The following LSS variants were observed in gnomAD, a reference collection of about 807,000 sequenced individuals.
LSS encodes lanosterol synthase.
Under a neutral mutation model 110.3 loss-of-function variants are expected in LSS, and 90 were observed. The ratio of observed to expected loss-of-function variants is 0.82; its 90% CI spans 0.69 to 0.97. LSS has a LOEUF of 0.97. Ranked by LOEUF, LSS falls within the 50% of genes least tolerant of loss-of-function variation. The probability of loss-of-function intolerance (pLI) is 0.00; values close to 1 mark genes in which losing one functional copy is unlikely to be tolerated. For synonymous variants in LSS, 433 were observed against 400.0 expected (o/e 1.08, Z -0.98); for missense variants, 927 against 990.0 (o/e 0.94, Z 0.85).
At chr21:46,225,438 T>TACCGGGAA (rs1362786723) in intron 3 of LSS, 1 of 449,672 alleles carries the variant, frequency 2.2e-6, no homozygotes, top group Non-Finnish European at 4.4e-6. Flanking sequence ...CTACTTAGCA[T>TACCGGGAA]ACCGGGAAAG....
At position 46,192,252 on chromosome 21, in the gene LSS, A is replaced by C. The variant is rs2839139; in HGVS notation, c.1989-293T>G. 0.64 allele frequency: 325,118 copies of C among 511,632 alleles called. 104,060 individuals are homozygous for C. Among genetic ancestry groups the C allele is most frequent in the East Asian group, 0.73 (20,439 of 27,844 alleles). The allele number at this position is 511,632 out of a possible 1,614,324, so 31.7% of individuals were successfully genotyped here. A position where few individuals can be genotyped will look rare whatever the true frequency, so the allele number is the denominator to read the frequency against. On this transcript the variant is annotated intron_variant, in intron 20 of 21. Transcript: ENST00000397728. ...AAGAGGACGCCAAGCCTTGTTCCCAACTGGCCCACTGGTCCTCATGGGCCT... is the reference window on the plus strand; with the variant it reads ...AAGAGGACGCCAAGCCTTGTTCCCACCTGGCCCACTGGTCCTCATGGGCCT...
chr21:46,224,590 T>C (rs2080314770), intron 3 of LSS: 1 of 151,980 alleles, frequency 6.6e-6, no homozygotes, highest in African/African-American at 2.4e-5. Context: ...ACAGTTATAA[T>C]GTTGTTAGGA....
chr21:46,222,616 G>A lies in LSS; in HGVS notation c.428+14C>T, dbSNP rs770596850. 6.2e-7 allele frequency: 1 copy of A among 1,605,548 alleles called. No individual in the cohort carries two copies. The highest frequency in any genetic ancestry group is 8.5e-7 in the Non-Finnish European group (1 of 1,173,924). On this transcript the variant is annotated intron_variant, in intron 4 of 21. Transcript: ENST00000397728. The stretch of plus-strand genomic sequence containing the variant: ...CATGCACATGTGCAGTGACACAGGG[G>A]CAGGCACACTCACAGGCCCCAGCCA...
rs1362791681 is a variant in LSS at position 46,190,686 on chromosome 21, C to G, written c.*418G>C. ...ACAAAAGGTGCAGGAGAAGCCTGCC[C>G]AGGGCCGACCCCAGCCCAGAGCCCA... On this transcript the variant is annotated 3_prime_UTR_variant, in exon 22 of 22. Coordinates refer to ENST00000397728, the MANE Select transcript of LSS (RefSeq NM_002340.6). The surrounding 1 kb of genome is among the most constrained non-coding windows in gnomAD (Gnocchi z 4.6). 5.2e-6 allele frequency: 1 copy of G among 190,706 alleles called. No homozygotes were observed. 11.8% of individuals were successfully genotyped at this position (190,706 alleles called of 1,614,324 possible). A position where few individuals can be genotyped will look rare whatever the true frequency, so the allele number is the denominator to read the frequency against.
At chr21:46,194,238 T>A (rs544925923) in intron 20 of LSS, among the ~76,000 whole-genome samples, 1 of 152,158 alleles carries the variant, frequency 6.6e-6, no homozygotes, top group African/African-American at 2.4e-5. Flanking sequence ...TCCACTGACA[T>A]GGCTAATGGT....
intron 3 of LSS, 177 bp downstream of exon 3, chr21:46,227,375 G>A (rs1432699530): frequency 1.4e-6 from 1 of 701,964 alleles, no homozygotes; most frequent in Non-Finnish European, 2.3e-6. Flanking sequence ...GGCAAGGCTA[G>A]CTGATCCCCT....
At chr21:46,220,589 G>A (rs2080263857) in intron 5 of LSS, 1 of 155,796 alleles carries the variant, frequency 6.4e-6, no homozygotes, top group African/African-American at 2.4e-5. Flanking sequence ...GGGCAGGTGG[G>A]ACTGGCTACG....
At chr21:46,197,446 A>G (rs2079923367) in intron 17 of LSS, among the ~76,000 whole-genome samples, 1 of 152,264 alleles carries the variant, frequency 6.6e-6, no homozygotes, top group Non-Finnish European at 1.5e-5. Context: ...ATTATCAGAC[A>G]CACTCATTCT....
chr21:46,227,274 C>T lies in LSS; in HGVS notation c.319+278G>A, dbSNP rs758125391. On this transcript the variant is annotated intron_variant, in intron 3 of 21. Transcript: ENST00000397728. ...ATGTCCATCCCATCCTGTACTGAGA[C>T]TTCAAAGCCCACCTTCCTCCTCCCT... 47 of 428,956 alleles carry T rather than the reference C, an allele frequency of 1.1e-4. No homozygotes were observed. The East Asian group carries it at 1.8e-3, about 16-fold the overall frequency. The allele number at this position is 428,956 out of a possible 1,614,324, so 26.6% of individuals were successfully genotyped here.
At chr21:46,191,752 T>C in intron 21 of LSS, 129 bp downstream of exon 21, 1 of 742,862 alleles carries the variant, frequency 1.3e-6, no homozygotes, top group African/African-American at 1.7e-5. Flanking sequence ...TGGCATTCAC[T>C]GGCAGAGGTG....
chr21:46,195,793 C>A (rs776349996), intron 18 of LSS, 37 bp from the exon 19 acceptor site: 1 of 1,543,708 alleles, frequency 6.5e-7, no homozygotes. Context: ...CCCTTCCACC[C>A]TGTTCACAGC....
intron 5 of LSS, 132 bp from the exon 6 acceptor site, chr21:46,219,704 G>A (rs1351353163): frequency 1.9e-5 from 10 of 524,610 alleles, no homozygotes; most frequent in South Asian, 5.8e-5. Flanking sequence ...GCCTCATGTG[G>A]ATCTTGCGAC....
In LSS at chr21:46,216,699, T is replaced by C. The variant is rs939743928; in HGVS notation, c.648-175A>G. ...GCTCCTGAGGGGCACAGTTGAACCA[T>C]AGGTGCACCCTCTGAGGAGCTGCAC... On this transcript the variant is annotated intron_variant, in intron 6 of 21. Coordinates refer to ENST00000397728, the MANE Select transcript of LSS (RefSeq NM_002340.6). This position sits in a 1 kb window ranked among gnomAD's most constrained non-coding sequence, Gnocchi z 4.2. Among the ~76,000 whole-genome samples, 23 of 152,104 alleles carry C rather than the reference T, an allele frequency of 1.5e-4. 1 individual carries two copies. The highest frequency in any genetic ancestry group is 2.9e-4 in the Non-Finnish European group (20 of 68,018).
chr21:46,206,896 G>A (rs1479863920), intron 15 of LSS, 128 bp from the exon 16 acceptor site: 2 of 715,900 alleles, frequency 2.8e-6, no homozygotes, highest in Non-Finnish European at 4.9e-6. Flanking sequence ...AGGGGGCGGA[G>A]AGCTGATTTC....
chr21:46,203,561 T>C (rs1042915082), intron 17 of LSS, among the ~76,000 whole-genome samples: 3 of 152,256 alleles, frequency 2.0e-5, no homozygotes, highest in African/African-American at 7.2e-5. Flanking sequence ...TTTATTACAG[T>C]GATTTTTAAA....
rs1291169134 is a variant in LSS, at chr21:46,209,080, T to C, written c.1266+474A>G. On this transcript the variant is annotated intron_variant, in intron 13 of 21. Transcript: ENST00000397728. The surrounding 1 kb of genome is among the most constrained non-coding windows in gnomAD (Gnocchi z 4.4). ...GGGTGCAGGCACGTGTGAGAGACACTGAGGTCAAACTATGGGCTCGGGCAG... is the reference window on the plus strand; with the variant it reads ...GGGTGCAGGCACGTGTGAGAGACACCGAGGTCAAACTATGGGCTCGGGCAG... Among the ~76,000 whole-genome samples the C allele has an allele frequency of 6.6e-6, 1 of 152,092 alleles. No homozygotes were observed. The highest frequency in any genetic ancestry group is 1.5e-5 in the Non-Finnish European group (1 of 68,004).
Position 46,189,289 on chromosome 21 carries a change from G to C in LSS, c.*1815C>G, listed in dbSNP as rs1049509649. On this transcript the variant is annotated 3_prime_UTR_variant, in exon 22 of 22. Transcript: ENST00000397728. The stretch of plus-strand genomic sequence containing the variant: ...CCAGGGACAGCAGCCTCTGCTCAGG[G>C]CAGACTCTGTGATTCACTGTCTGTC... The C allele has an allele frequency of 4.3e-5, 11 of 257,208 alleles. No individual in the cohort carries two copies. The highest frequency in any genetic ancestry group is 8.4e-5 in the Non-Finnish European group (11 of 130,350). The allele number at this position is 257,208 out of a possible 1,614,324, so 15.9% of individuals were successfully genotyped here.
intron 6 of LSS, among the ~76,000 whole-genome samples, chr21:46,217,233 G>A (rs186378284): frequency 1.0e-4 from 13 of 127,108 alleles, no homozygotes; most frequent in Non-Finnish European, 1.6e-4. Flanking sequence ...CAGAGCGAGA[G>A]ACTCTGTCTC....
At position 46,190,693 on chromosome 21, in the gene LSS, G is replaced by A. The variant is rs1051855578; in HGVS notation, c.*411C>T. ...GTGCAGGAGAAGCCTGCCCAGGGCC[G>A]ACCCCAGCCCAGAGCCCACTCGACA... On this transcript the variant is annotated 3_prime_UTR_variant, in exon 22 of 22. Coordinates refer to ENST00000397728, the MANE Select transcript of LSS (RefSeq NM_002340.6). The surrounding 1 kb of genome is among the most constrained non-coding windows in gnomAD (Gnocchi z 4.6). 10 of 191,490 alleles carry A rather than the reference G, an allele frequency of 5.2e-5. No individual in the cohort carries two copies. Among genetic ancestry groups the A allele is most frequent in the Non-Finnish European group, 8.6e-5 (8 of 93,250 alleles). 11.9% of individuals were successfully genotyped at this position (191,490 alleles called of 1,614,324 possible). A position where few individuals can be genotyped will look rare whatever the true frequency, so the allele number is the denominator to read the frequency against.
Sources: allele counts gnomAD v4.1 joint callset (sites outside exome capture counted in the v4.1 genomes callset), GRCh38; gene constraint gnomAD v4.1.1; non-coding constraint Gnocchi (gnomAD v3.1); transcripts MANE v1.5; gene names NCBI Gene and HGNC (gene_info 2026-07-23, HGNC 2026-07-21).